The following FGD4 variants were observed in gnomAD, a reference collection of about 807,000 sequenced individuals.
FGD4 encodes FYVE, RhoGEF and PH domain-containing protein 4.
A neutral mutation model predicts 102.0 loss-of-function variants in FGD4; 42 were observed. The ratio of observed to expected loss-of-function variants is 0.41; its 90% CI spans 0.32 to 0.53. FGD4 has a LOEUF of 0.53. Among genes scored for constraint, FGD4 ranks in the 20% least tolerant of loss-of-function variants. The pLI, the probability that FGD4 is intolerant of heterozygous loss-of-function variation, is 0.21. For synonymous variants in FGD4, 380 were observed against 375.7 expected (o/e 1.01, Z -0.13); for missense variants, 902 against 1,078.2 (o/e 0.84, Z 2.29).
At chr12:32,526,270 G>T (rs887740955) in intron 1 of FGD4, among the ~76,000 whole-genome samples, 9 of 151,888 alleles carry the variant, frequency 5.9e-5, no homozygotes, top group Non-Finnish European at 1.2e-4. Flanking sequence ...TGGTGAGGAC[G>T]TGGAGAACCT....
intron 1 of FGD4, among the ~76,000 whole-genome samples, chr12:32,422,392 G>A (rs373182840): frequency 2.5e-4 from 33 of 132,634 alleles, no homozygotes; most frequent in African/African-American, 8.5e-4. Context: ...TCCGCTTCCC[G>A]AGTTCACGCC....
intron 2 of FGD4, among the ~76,000 whole-genome samples, chr12:32,570,646 G>C (rs1414561747): frequency 6.6e-6 from 1 of 152,016 alleles, no homozygotes; most frequent in Non-Finnish European, 1.5e-5. Context: ...TCGCCATGTT[G>C]TTCAGGCTGG....
intron 1 of FGD4, among the ~76,000 whole-genome samples, chr12:32,523,867 G>C (rs1940814613): frequency 6.6e-6 from 1 of 151,902 alleles, no homozygotes; most frequent in Non-Finnish European, 1.5e-5. Flanking sequence ...AGTCCCAGCT[G>C]TTCTGGAGGC....
At chr12:32,623,999 G>A (rs1005343617) in intron 11 of FGD4, among the ~76,000 whole-genome samples, 5 of 152,164 alleles carry the variant, frequency 3.3e-5, no homozygotes, top group Non-Finnish European at 5.9e-5. Flanking sequence ...GCTTTAGGGA[G>A]ATATTTTAGA....
intron 1 of FGD4, among the ~76,000 whole-genome samples, chr12:32,460,854 G>A (rs964048628): frequency 9.9e-5 from 15 of 152,138 alleles, no homozygotes; most frequent in Non-Finnish European, 1.5e-4. Context: ...CTGCCCATGC[G>A]CACAATCACT....
intron 1 of FGD4, among the ~76,000 whole-genome samples, chr12:32,406,918 A>G (rs886641668): frequency 5.9e-5 from 9 of 151,524 alleles, no homozygotes; most frequent in Admixed American, 3.3e-4. Flanking sequence ...GGTTCAAGCA[A>G]TTCTCTGCCT....
At chr12:32,408,375 T>C (rs1034357134) in intron 1 of FGD4, among the ~76,000 whole-genome samples, 1 of 152,096 alleles carries the variant, frequency 6.6e-6, no homozygotes. Context: ...CCCATGTTGG[T>C]CAGGCTTGTC....
At chr12:32,555,917 CACAG>C (rs1394805626) in intron 1 of FGD4, among the ~76,000 whole-genome samples, 1 of 151,824 alleles carries the variant, frequency 6.6e-6, no homozygotes, top group African/African-American at 2.4e-5. Flanking sequence ...GTGGTGCAAT[CACAG>C]GTCACTGCAA....
intron 1 of FGD4, among the ~76,000 whole-genome samples, chr12:32,473,591 C>T (rs1943496171): frequency 6.6e-6 from 1 of 152,128 alleles, no homozygotes; most frequent in South Asian, 2.1e-4. Flanking sequence ...GTAACACTCA[C>T]CGCGAGGGTC....
At chr12:32,451,834 C>CAA (rs60760923) in intron 1 of FGD4, among the ~76,000 whole-genome samples, 1,356 of 24,180 alleles carry the variant, frequency 0.056, 321 homozygotes, top group Non-Finnish European at 0.06. Flanking sequence ...AACTCCATCT[C>CAA]AAAAAAAAAA....
intron 1 of FGD4, among the ~76,000 whole-genome samples, chr12:32,563,235 C>A (rs1221490299): frequency 6.6e-6 from 1 of 151,778 alleles, no homozygotes; most frequent in African/African-American, 2.4e-5. Context: ...GGGCTCCTCA[C>A]TTCTCAGACG....
chr12:32,604,376 A>G (rs1016916643), intron 7 of FGD4, among the ~76,000 whole-genome samples: 4 of 151,802 alleles, frequency 2.6e-5, no homozygotes, highest in African/African-American at 9.7e-5. Flanking sequence ...TGTTTTGGAA[A>G]TGGTGTCTTG....
At chr12:32,437,211 C>T (rs1040215555) in intron 1 of FGD4, among the ~76,000 whole-genome samples, 3 of 151,934 alleles carry the variant, frequency 2.0e-5, no homozygotes, top group African/African-American at 7.3e-5. Flanking sequence ...TCGGGTCAGA[C>T]GTTTGGCCAG....
chr12:32,537,233 T>C (rs943113337), intron 1 of FGD4, among the ~76,000 whole-genome samples: 5 of 152,162 alleles, frequency 3.3e-5, no homozygotes, highest in Admixed American at 3.3e-4. Context: ...TTTCTTATGC[T>C]TAGTCCCAAA....
intron 16 of FGD4, 192 bp downstream of exon 16, chr12:32,638,987 C>T: frequency 7.0e-7 from 1 of 1,418,718 alleles, no homozygotes; most frequent in Admixed American, 2.9e-5. Flanking sequence ...ATATTTTCTT[C>T]AGTTTGTGGA....
chr12:32,582,363 C>A lies in FGD4; in HGVS notation c.907C>A (p.Pro303Thr), dbSNP rs748280219. The A allele has an allele frequency of 6.2e-7, 1 of 1,614,034 alleles. No homozygotes were observed. The highest frequency in any genetic ancestry group is 8.5e-7 in the Non-Finnish European group (1 of 1,179,978). Residue 303 changes from proline (P) to threonine (T), a missense_variant, in exon 4 of 17, where the codon CCC becomes ACC. Coordinates refer to ENST00000534526, the MANE Select transcript of FGD4 (RefSeq NM_001370298.3). Reference sequence around the variant, plus strand: ...GACTCCAGGCATAGGCCCAGTGCTCCCCCTAGAAGAAAGAGGGGCAGAAAC... The same window carrying A: ...GACTCCAGGCATAGGCCCAGTGCTCACCCTAGAAGAAAGAGGGGCAGAAAC... Reference protein sequence around the residue: ...YRTPGIGPVLPLEERGAETET... With the variant: ...YRTPGIGPVLTLEERGAETET...
At chr12:32,639,696 A>G (rs552745499) in intron 16 of FGD4, among the ~76,000 whole-genome samples, 5 of 152,208 alleles carry the variant, frequency 3.3e-5, no homozygotes, top group Non-Finnish European at 5.9e-5. Flanking sequence ...TGAAGAATCA[A>G]ATGTACAACA....
chr12:32,597,703 TTAAA>T (rs1948022563), intron 4 of FGD4, among the ~76,000 whole-genome samples: 3 of 152,272 alleles, frequency 2.0e-5, no homozygotes, highest in Admixed American at 1.3e-4. Flanking sequence ...TATTTAAGGC[TTAAA>T]TAAATACATA....
rs139887658 is a variant in FGD4, at chr12:32,482,019, G to A, written c.166+82060G>A. On this transcript the variant is annotated intron_variant, in intron 1 of 16. Coordinates refer to ENST00000534526, the MANE Select transcript of FGD4 (RefSeq NM_001370298.3). The stretch of plus-strand genomic sequence containing the variant: ...GTAGTGCCAGTTGTCACATGTCTTG[G>A]TACCTACACATTTCTTAGAGAACAG... Among the ~76,000 whole-genome samples, 136 of 152,104 alleles carry A rather than the reference G, an allele frequency of 8.9e-4. 1 individual carries two copies. Among genetic ancestry groups the A allele is most frequent in the African/African-American group, 3.0e-3 (125 of 41,484 alleles).
Sources: gnomAD v4.1 joint callset for allele counts (sites outside exome capture counted in the v4.1 genomes callset) on GRCh38, gnomAD v4.1.1 for gene constraint, MANE v1.5 for transcripts, NCBI Gene and HGNC (gene_info 2026-07-23, HGNC 2026-07-21) for gene names.